TJP3: variants seen among roughly 807,000 people sequenced by gnomAD.
The protein encoded by TJP3 is tight junction protein ZO-3.
Under a neutral mutation model 104.2 loss-of-function variants are expected in TJP3, and 85 were observed. The observed-to-expected ratio is 0.82, with a 90% CI of 0.68 to 0.98. The LOEUF (loss-of-function observed/expected upper bound fraction) is 0.98. Among genes scored for constraint, TJP3 ranks in the 50% least tolerant of loss-of-function variants. TJP3 has a pLI of 0.00. For missense variants in TJP3, 1,367 were observed against 1,322.8 expected, an observed-to-expected ratio of 1.03 and a Z score of -0.52; for synonymous variants, 550 against 550.6, an observed-to-expected ratio of 1.00 and a Z score of 0.02.
intron 14 of TJP3, among the ~76,000 whole-genome samples, chr19:3,743,194 G>T (rs935409859): frequency 2.0e-5 from 3 of 151,712 alleles, no homozygotes; most frequent in African/African-American, 7.3e-5. Context: ...AACCTGGAAG[G>T]TGAAGGTTGC....
intron 12 of TJP3, 105 bp downstream of exon 12, chr19:3,738,768 C>T: frequency 7.6e-7 from 1 of 1,307,254 alleles, no homozygotes; most frequent in South Asian, 1.3e-5. Flanking sequence ...CATCTCTGCA[C>T]CCTCCATCCC....
chr19:3,722,689 A>T (rs1365003086), intron 1 of TJP3, among the ~76,000 whole-genome samples: 3 of 151,854 alleles, frequency 2.0e-5, no homozygotes, highest in Non-Finnish European at 4.4e-5. Context: ...CTGCAGCGGT[A>T]TGCGGCCAGA....
intron 12 of TJP3, 65 bp from the exon 13 acceptor site, chr19:3,738,832 C>T (rs1031541680): frequency 4.3e-5 from 63 of 1,455,996 alleles, no homozygotes; most frequent in Non-Finnish European, 5.5e-5. Context: ...GGCCCACTCT[C>T]GGGTGGGGAG....
chr19:3,720,901 CTTT>C (rs370206267), intron 1 of TJP3, among the ~76,000 whole-genome samples: 11 of 114,338 alleles, frequency 9.6e-5, no homozygotes, highest in African/African-American at 2.3e-4. Context: ...CCTTCCTTTT[CTTT>C]TTTTTTTTTT....
Position 3,746,118 on chromosome 19 carries a change from TGG to T in TJP3, c.2010+41_2010+42del. ...CCTGCTACGGGTCCCATTTCATGGA[TGG>T]GGGAAACCGAGGCCTGGGCATCCAA... On this transcript the variant is annotated intron_variant, in intron 16 of 20. Coordinates refer to ENST00000541714, the MANE Select transcript of TJP3 (RefSeq NM_001267560.2). The surrounding 1 kb of genome is among the most constrained non-coding windows in gnomAD (Gnocchi z 4.1). 1 of 1,574,538 alleles carries T rather than the reference TGG, an allele frequency of 6.4e-7. No individual in the cohort carries two copies. The highest frequency in any genetic ancestry group is 1.8e-5 in the Admixed American group (1 of 55,246).
At chr19:3,749,782 G>A (rs1038389396) in intron 19 of TJP3, 3 of 307,296 alleles carry the variant, frequency 9.8e-6, no homozygotes, top group Non-Finnish European at 1.8e-5. Flanking sequence ...GATTTTCCTG[G>A]GGTTGTGCAG....
intron 18 of TJP3, 103 bp from the exon 19 acceptor site, chr19:3,747,691 C>T: frequency 7.3e-7 from 1 of 1,377,374 alleles, no homozygotes; most frequent in South Asian, 1.5e-5. Flanking sequence ...GCTCCAGGCT[C>T]CTCGCCTTGA....
Position 3,730,675 on chromosome 19 carries a change from G to T in TJP3, c.582G>T (p.Lys194Asn). 1.2e-6 allele frequency: 2 copies of T among 1,610,132 alleles called. No homozygotes were observed. The highest frequency in any genetic ancestry group is 8.5e-7 in the Non-Finnish European group (1 of 1,179,980). The change falls in exon 5 of 21, where the codon AAG (lysine) becomes AAT (asparagine). Residue 194 changes from lysine to asparagine, a missense_variant. Lys to Asn is a moderately conservative substitution (Grantham distance 94). Transcript: ENST00000541714. The surrounding 1 kb of genome is among the most constrained non-coding windows in gnomAD (Gnocchi z 7.3). ...PRQDVQMKPV[K>N]SVLVKRRDSE... ...AGGACGTGCAGATGAAGCCTGTGAA[G>T]TCAGTGCTGGTGAAGAGGAGAGACA...
intron 1 of TJP3, among the ~76,000 whole-genome samples, chr19:3,711,652 G>A (rs1001356965): frequency 1.4e-5 from 2 of 147,760 alleles, no homozygotes; most frequent in Non-Finnish European, 3.0e-5. Flanking sequence ...CAGCACTTTG[G>A]GAGGCCGAGA....
rs1003910604 is a variant in TJP3 at position 3,740,720 on chromosome 19, A to G, written c.1800A>G (p.Arg600=). ...GTGAGGACCTCTCAGCTCTGACCCG[A>G]CAGGGCCGCTACCCGCCCTACGAAC... The part of the protein sequence containing the change: ...RSREDLSALT[R]QGRYPPYERV... Residue 600 remains arginine, a synonymous_variant, in exon 14 of 21, where the codon CGA becomes CGG. Transcript: ENST00000541714. The G allele has an allele frequency of 6.2e-7, 1 of 1,601,248 alleles. No homozygotes were observed.
chr19:3,733,586 T>G (rs1216537943), intron 6 of TJP3, among the ~76,000 whole-genome samples, 167 bp from the exon 7 acceptor site: 1 of 152,186 alleles, frequency 6.6e-6, no homozygotes, highest in Non-Finnish European at 1.5e-5. Flanking sequence ...CTTGGTGTGG[T>G]CTCCACTCAC....
chr19:3,721,253 G>T (rs2036539540), intron 1 of TJP3, among the ~76,000 whole-genome samples: 1 of 152,084 alleles, frequency 6.6e-6, no homozygotes, highest in Non-Finnish European at 1.5e-5. Flanking sequence ...GAGCCCGCAG[G>T]CCAAGACCGC....
At chr19:3,714,102 G>A (rs1327797857) in intron 1 of TJP3, among the ~76,000 whole-genome samples, 12 of 151,856 alleles carry the variant, frequency 7.9e-5, no homozygotes, top group Admixed American at 7.2e-4. Flanking sequence ...GCTGGCTGGA[G>A]TGCAGTGGCG....
Position 3,736,228 on chromosome 19 carries a change from AG to A in TJP3, c.1196del (p.Gly399AlafsTer31), listed in dbSNP as rs2036737584. ...GCAAGAGCATCGGGCTGCGGCTGGCAGGGGGCAATGACGTGGGCATCTTCGT... is the reference window on the plus strand; with the variant it reads ...GCAAGAGCATCGGGCTGCGGCTGGCAGGGGCAATGACGTGGGCATCTTCGT... ...KGKSIGLRLA[G>X]GNDVGIFVSG... On this transcript the variant is annotated frameshift_variant, in exon 11 of 21. Coordinates refer to ENST00000541714, the MANE Select transcript of TJP3 (RefSeq NM_001267560.2). LOFTEE classifies it high-confidence loss of function. 2.5e-6 allele frequency: 4 copies of A among 1,592,510 alleles called. No homozygotes were observed. The highest frequency in any genetic ancestry group is 2.3e-5 in the South Asian group (2 of 88,472).
At chr19:3,748,567 CTTT>C (rs754151380) in intron 19 of TJP3, among the ~76,000 whole-genome samples, 11 of 107,898 alleles carry the variant, frequency 1.0e-4, no homozygotes, top group African/African-American at 3.6e-4. Flanking sequence ...TGCACCCAGG[CTTT>C]TTTTTTTTTT....
At chr19:3,710,470 C>T (rs1262958157) in intron 1 of TJP3, among the ~76,000 whole-genome samples, 4 of 152,228 alleles carry the variant, frequency 2.6e-5, no homozygotes, top group Non-Finnish European at 5.9e-5. Flanking sequence ...GCTGATGCCT[C>T]AGGCTCAGCA....
At chr19:3,717,664 A>G (rs536188544) in intron 1 of TJP3, among the ~76,000 whole-genome samples, 1 of 151,066 alleles carries the variant, frequency 6.6e-6, no homozygotes, top group South Asian at 2.1e-4. Flanking sequence ...CCAACTCCTG[A>G]CTCAAGTGAT....
chr19:3,722,524 A>G (rs1191093791), intron 1 of TJP3, among the ~76,000 whole-genome samples: 1 of 129,348 alleles, frequency 7.7e-6, no homozygotes, highest in Non-Finnish European at 1.6e-5. Context: ...AACAGGCATT[A>G]CCAGGCAGAG....
At chr19:3,718,212 A>T (rs868352943) in intron 1 of TJP3, among the ~76,000 whole-genome samples, 1,500 of 47,282 alleles carry the variant, frequency 0.032, 24 homozygotes, top group Non-Finnish European at 0.048. Flanking sequence ...AAAAAAAAAA[A>T]GTGTGTGTGT....
Sources: allele counts gnomAD v4.1 joint callset (sites outside exome capture counted in the v4.1 genomes callset), GRCh38; gene constraint gnomAD v4.1.1; non-coding constraint Gnocchi (gnomAD v3.1); transcripts MANE v1.5; gene names NCBI Gene and HGNC (gene_info 2026-07-23, HGNC 2026-07-21).